EDEM2: variants seen among roughly 807,000 people sequenced by gnomAD.
EDEM2 encodes the protein ER degradation enhancing alpha-mannosidase like protein 2, also known as ER degradation-enhancing alpha-mannosidase-like protein 2.
EDEM2 carries 39 observed loss-of-function variants against 64.8 expected under a neutral mutation model. The ratio of observed to expected loss-of-function variants is 0.60; its 90% CI spans 0.47 to 0.79. The LOEUF (loss-of-function observed/expected upper bound fraction) is 0.79, where lower values mean the gene tolerates loss of function less well. Among genes scored for constraint, EDEM2 ranks in the 30% least tolerant of loss-of-function variants. The pLI, the probability that EDEM2 is intolerant of heterozygous loss-of-function variation, is 0.00. For synonymous variants in EDEM2, 296 were observed against 291.5 expected, an observed-to-expected ratio of 1.02 and a Z score of -0.16; for missense variants, 609 against 731.3, an observed-to-expected ratio of 0.83 and a Z score of 1.93.
intron 5 of EDEM2, among the ~76,000 whole-genome samples, chr20:35,135,652 A>AAAT (rs58483257): frequency 2.0e-5 from 3 of 151,766 alleles, no homozygotes; most frequent in Non-Finnish European, 2.9e-5. Context: ...CCCTGTCTCA[A>AAAT]AATAATAATA....
chr20:35,142,756 A>T (rs925216567), intron 3 of EDEM2, among the ~76,000 whole-genome samples: 1 of 151,932 alleles, frequency 6.6e-6, no homozygotes, highest in African/African-American at 2.4e-5. Flanking sequence ...TACGCATAGA[A>T]GTCTTAGGTT....
At chr20:35,133,713 C>T (rs562661080) in intron 6 of EDEM2, among the ~76,000 whole-genome samples, 3 of 152,188 alleles carry the variant, frequency 2.0e-5, no homozygotes, top group East Asian at 1.9e-4. Flanking sequence ...GTGATCCGCC[C>T]GCCTCAGTCT....
At chr20:35,118,469 G>T in intron 10 of EDEM2, 129 bp downstream of exon 10, 2 of 1,378,636 alleles carry the variant, frequency 1.5e-6, no homozygotes, top group Non-Finnish European at 1.0e-6. Flanking sequence ...TAAAATATGA[G>T]CATTATGTAT....
chr20:35,142,023 C>T (rs1010516817), intron 4 of EDEM2, among the ~76,000 whole-genome samples: 1 of 152,190 alleles, frequency 6.6e-6, no homozygotes, highest in Non-Finnish European at 1.5e-5. Flanking sequence ...ATTTCCATCA[C>T]TGCAGAAAAT....
intron 7 of EDEM2, among the ~76,000 whole-genome samples, chr20:35,130,075 A>T (rs1296198686): frequency 1.3e-5 from 2 of 152,032 alleles, no homozygotes; most frequent in African/African-American, 4.8e-5. Flanking sequence ...ATTTTTAAAA[A>T]TTTTTATTTT....
intron 8 of EDEM2, among the ~76,000 whole-genome samples, chr20:35,124,411 T>C (rs2085405800): frequency 6.6e-6 from 1 of 152,190 alleles, no homozygotes; most frequent in Non-Finnish European, 1.5e-5. Context: ...ATTTTTGTTT[T>C]TGTTTTTGAG....
intron 3 of EDEM2, 76 bp downstream of exon 3, chr20:35,144,901 CCA>C (rs1384209672): frequency 6.6e-6 from 10 of 1,513,452 alleles, no homozygotes; most frequent in African/African-American, 1.4e-5. Flanking sequence ...CATTTTTCAC[CCA>C]CAGTCACGCT....
In EDEM2 at chr20:35,123,878, A is replaced by G; in HGVS notation, c.1114+12T>C. The G allele has an allele frequency of 6.2e-7, 1 of 1,612,504 alleles. No individual in the cohort carries two copies. The highest frequency in any genetic ancestry group is 8.5e-7 in the Non-Finnish European group (1 of 1,179,162). On this transcript the variant is annotated intron_variant, in intron 9 of 10. Transcript: ENST00000374492. ...GCCTGTGGGCAGATGACAAGCCAGAAATGCTGCTCACCTGGCCGAAGTGGG... is the reference window on the plus strand; with the variant it reads ...GCCTGTGGGCAGATGACAAGCCAGAGATGCTGCTCACCTGGCCGAAGTGGG...
intron 7 of EDEM2, among the ~76,000 whole-genome samples, chr20:35,128,258 C>A (rs1471696697): frequency 6.6e-6 from 1 of 151,746 alleles, no homozygotes; most frequent in Non-Finnish European, 1.5e-5. Context: ...TGGCGGGCGC[C>A]TGTAATCCCA....
rs569813619 is a variant in EDEM2, at chr20:35,130,759, A to C, written c.844+883T>G. 2.0e-5 allele frequency among the ~76,000 whole-genome samples: 3 copies of C among 152,364 alleles called. No homozygotes were observed. In the East Asian group the frequency reaches 5.8e-4, roughly 29 times the overall value. On this transcript the variant is annotated intron_variant, in intron 7 of 10. Transcript: ENST00000374492. ...ACTGTGGATAACGGGGGACTACTGTAGCTATAATAATAATAGTAATTAGGT... is the reference window on the plus strand; with the variant it reads ...ACTGTGGATAACGGGGGACTACTGTCGCTATAATAATAATAGTAATTAGGT...
At position 35,123,818 on chromosome 20, in the gene EDEM2, C is replaced by G. The variant is rs184979719; in HGVS notation, c.1114+72G>C. Reference sequence around the variant, plus strand: ...TTGTGGGCAGTTGTGGAGGATGGAGCCTTGTAGAGGGGATTTGGGGTTTCA... The same window carrying G: ...TTGTGGGCAGTTGTGGAGGATGGAGGCTTGTAGAGGGGATTTGGGGTTTCA... On this transcript the variant is annotated intron_variant, in intron 9 of 10. Coordinates refer to ENST00000374492, the MANE Select transcript of EDEM2 (RefSeq NM_018217.3). 56 of 1,558,430 alleles carry G rather than the reference C, an allele frequency of 3.6e-5. No individual in the cohort carries two copies. In the African/African-American group the frequency reaches 6.1e-4, roughly 17 times the overall value.
At chr20:35,134,564 C>G (rs1164976130) in intron 6 of EDEM2, among the ~76,000 whole-genome samples, 174 bp downstream of exon 6, 5 of 152,212 alleles carry the variant, frequency 3.3e-5, no homozygotes, top group Non-Finnish European at 5.9e-5. Context: ...CTCTCCTCCC[C>G]ACTCCAAGCC....
At chr20:35,146,788 A>G in intron 2 of EDEM2, 37 bp downstream of exon 2, 3 of 1,604,754 alleles carry the variant, frequency 1.9e-6, no homozygotes, top group Non-Finnish European at 2.6e-6. Context: ...CCAGAGAGTC[A>G]GACCCTGGCC....
intron 7 of EDEM2, among the ~76,000 whole-genome samples, chr20:35,127,695 A>G (rs555579924): frequency 2.1e-4 from 32 of 152,366 alleles, no homozygotes; most frequent in Non-Finnish European, 1.3e-4. Context: ...TGTTGAATAA[A>G]TGAGTAAAGT....
chr20:35,142,519 G>T, intron 3 of EDEM2, 41 bp from the exon 4 acceptor site: 1 of 1,454,474 alleles, frequency 6.9e-7, no homozygotes, highest in Non-Finnish European at 9.6e-7. Context: ...GCTCTTACAT[G>T]CATGGAGGCA....
Position 35,136,812 on chromosome 20 carries a change from A to T in EDEM2, c.490+1068T>A, listed in dbSNP as rs553662045. ...AAGGGATAAATAAGTGAGATGGCCAAGAGGTGATGGAAAGCACAGTGTGAC... is the reference window on the plus strand; with the variant it reads ...AAGGGATAAATAAGTGAGATGGCCATGAGGTGATGGAAAGCACAGTGTGAC... On this transcript the variant is annotated intron_variant, in intron 5 of 10. Coordinates refer to ENST00000374492, the MANE Select transcript of EDEM2 (RefSeq NM_018217.3). Among the ~76,000 whole-genome samples, 4 of 152,052 alleles carry T rather than the reference A, an allele frequency of 2.6e-5. No individual in the cohort carries two copies. The South Asian group carries it at 8.3e-4, about 32-fold the overall frequency.
chr20:35,115,694 C>T lies in EDEM2; in HGVS notation c.1476G>A (p.Lys492=), dbSNP rs28557215. The T allele has an allele frequency of 6.2e-7, 1 of 1,614,208 alleles. No individual in the cohort carries two copies. ...PAALHCCQRL[K]EEQWEVEDLM... Reference sequence around the variant, plus strand: ...AGTCCTCCACCTCCCACTGCTCTTCCTTCAGCCTCTGGCAGCAGTGCAGGG... The same window carrying T: ...AGTCCTCCACCTCCCACTGCTCTTCTTTCAGCCTCTGGCAGCAGTGCAGGG... The change falls in exon 11 of 11, where the codon AAG becomes AAA. Residue 492 remains lysine, a synonymous_variant. Transcript: ENST00000374492.
intron 7 of EDEM2, among the ~76,000 whole-genome samples, chr20:35,131,026 A>AT (rs1477517855): frequency 1.3e-5 from 2 of 152,226 alleles, no homozygotes; most frequent in African/African-American, 4.8e-5. Context: ...GCAAGGCGAC[A>AT]TTTAAGTTAG....
At chr20:35,147,127 T>G in intron 1 of EDEM2, 25 bp downstream of exon 1, 1 of 1,594,670 alleles carries the variant, frequency 6.3e-7, no homozygotes, top group East Asian at 2.2e-5. Context: ...ATTCCCCAAC[T>G]GCGAAAGGGC....
Sources: gnomAD v4.1 joint callset for allele counts (sites outside exome capture counted in the v4.1 genomes callset) on GRCh38, gnomAD v4.1.1 for gene constraint, MANE v1.5 for transcripts, NCBI Gene and HGNC (gene_info 2026-07-23, HGNC 2026-07-21) for gene names.